The following FBLN5 variants were observed in gnomAD, a reference collection of about 807,000 sequenced individuals.
The protein encoded by FBLN5 is fibulin-5.
In FBLN5, 24 loss-of-function variants were observed where a neutral mutation model predicts 61.6. That is an observed-to-expected ratio of 0.39 (90% confidence interval 0.28 to 0.55). The LOEUF is 0.55. Among genes scored for constraint, FBLN5 ranks in the 20% least tolerant of loss-of-function variants. The pLI, the probability that FBLN5 is intolerant of heterozygous loss-of-function variation, is 0.65. For missense variants in FBLN5, 470 were observed against 594.1 expected, an observed-to-expected ratio of 0.79 and a Z score of 2.17; for synonymous variants, 213 against 219.8, an observed-to-expected ratio of 0.97 and a Z score of 0.27.
intron 4 of FBLN5, among the ~76,000 whole-genome samples, chr14:91,931,834 G>C (rs1388325148): frequency 6.6e-6 from 1 of 152,220 alleles, no homozygotes; most frequent in Non-Finnish European, 1.5e-5. Flanking sequence ...CTTAGAGGCA[G>C]CGTGCCATGA....
Position 91,932,087 on chromosome 14 carries a change from C to G in FBLN5, c.379+4860G>C, listed in dbSNP as rs117664667. ...AGCCCCTCCCTGCTTACCCGTTAAC[C>G]ATGTCTGTCTGGCTCTCCCTCCCCT... On this transcript the variant is annotated intron_variant, in intron 4 of 10. Coordinates refer to ENST00000342058, the MANE Select transcript of FBLN5 (RefSeq NM_006329.4). Among the ~76,000 whole-genome samples the G allele has an allele frequency of 8.7e-4, 132 of 152,290 alleles. No homozygotes were observed. The East Asian group carries it at 0.025, about 29-fold the overall frequency.
At chr14:91,926,416 A>C (rs1000438399) in intron 4 of FBLN5, among the ~76,000 whole-genome samples, 3 of 152,134 alleles carry the variant, frequency 2.0e-5, no homozygotes, top group African/African-American at 7.2e-5. Context: ...TGTGTGGTAC[A>C]TGTGTCCACA....
intron 4 of FBLN5, among the ~76,000 whole-genome samples, chr14:91,921,779 GGA>G (rs2055738918): frequency 6.6e-6 from 1 of 152,198 alleles, no homozygotes; most frequent in Non-Finnish European, 1.5e-5. Context: ...TGAAGAGCCA[GGA>G]GAGAGTTCCA....
chr14:91,937,186 C>T lies in FBLN5; in HGVS notation c.140G>A (p.Arg47Gln), dbSNP rs1453926493. 1.9e-6 allele frequency: 3 copies of T among 1,614,048 alleles called. No individual in the cohort carries two copies. The highest frequency in any genetic ancestry group is 1.7e-5 in the Admixed American group (1 of 60,006). ...TCCTCGGCAGGCCTCGGGGATGGTT[C>T]GGCATTCATCAATATCTGAAAGGCA... ...SGQCLDIDEC[R>Q]TIPEACRGDM... is the part of the protein sequence containing the mutation. The change falls in exon 4 of 11, where the codon CGA becomes CAA. Residue 47 changes from arginine (R) to glutamine (Q), a missense_variant. Coordinates refer to ENST00000342058, the MANE Select transcript of FBLN5 (RefSeq NM_006329.4).
chr14:91,910,809 GA>G (rs1242930635), intron 4 of FBLN5, among the ~76,000 whole-genome samples: 2 of 152,068 alleles, frequency 1.3e-5, no homozygotes, highest in Non-Finnish European at 2.9e-5. Flanking sequence ...GGAGAAAGAT[GA>G]AGGTAGAGAA....
chr14:91,932,159 A>C (rs1369395208), intron 4 of FBLN5, among the ~76,000 whole-genome samples: 1 of 152,182 alleles, frequency 6.6e-6, no homozygotes, highest in Non-Finnish European at 1.5e-5. Context: ...TCTGGGTGAC[A>C]CACTCTAATG....
chr14:91,897,623 G>T (rs183682282), intron 4 of FBLN5, among the ~76,000 whole-genome samples: 1 of 152,226 alleles, frequency 6.6e-6, no homozygotes, highest in Non-Finnish European at 1.5e-5. Flanking sequence ...CCAGACGCAT[G>T]CCAGCAGGCC....
intron 4 of FBLN5, among the ~76,000 whole-genome samples, chr14:91,908,905 C>A (rs972142186): frequency 3.4e-5 from 5 of 148,786 alleles, no homozygotes; most frequent in Admixed American, 6.7e-5. Flanking sequence ...GGAATCAGTA[C>A]TTTTTTTTTT....
intron 4 of FBLN5, among the ~76,000 whole-genome samples, chr14:91,933,895 A>G (rs2055968981): frequency 6.6e-6 from 1 of 152,162 alleles, no homozygotes; most frequent in African/African-American, 2.4e-5. Flanking sequence ...GGATTGCTTG[A>G]GCCCAGGAAT....
In FBLN5 at chr14:91,947,264, G is replaced by C; in HGVS notation, c.-35C>G. On this transcript the variant is annotated 5_prime_UTR_variant, in exon 1 of 11. Transcript: ENST00000342058. This position sits in a 1 kb window ranked among gnomAD's most constrained non-coding sequence, Gnocchi z 4.3. ...GCGCGAGGAGGAGATGCGAAGGCGA[G>C]AAGAAAGCTCGCGGGCGGGACCCCC... 1 of 1,614,100 alleles carries C rather than the reference G, an allele frequency of 6.2e-7. No individual in the cohort carries two copies. The highest frequency in any genetic ancestry group is 8.5e-7 in the Non-Finnish European group (1 of 1,179,996).
At chr14:91,940,718 G>C (rs535718078) in intron 2 of FBLN5, 102 bp from the exon 3 acceptor site, 146 of 963,570 alleles carry the variant, frequency 1.5e-4, no homozygotes, top group Non-Finnish European at 2.2e-4. Context: ...AAAAAGAAAG[G>C]CCTCCAAAAT....
intron 4 of FBLN5, among the ~76,000 whole-genome samples, chr14:91,912,311 A>T (rs1282650193): frequency 6.6e-6 from 1 of 152,200 alleles, no homozygotes; most frequent in Non-Finnish European, 1.5e-5. Flanking sequence ...AGCCTGAGCA[A>T]CATAGCGAGA....
intron 4 of FBLN5, among the ~76,000 whole-genome samples, chr14:91,936,083 G>GACAC (rs1205311099): frequency 6.6e-6 from 1 of 152,134 alleles, no homozygotes; most frequent in East Asian, 1.9e-4. Flanking sequence ...CTAATAGTGG[G>GACAC]TTACAGCTCA....
At chr14:91,879,209 G>A (rs1335573990) in intron 9 of FBLN5, among the ~76,000 whole-genome samples, 1 of 152,216 alleles carries the variant, frequency 6.6e-6, no homozygotes, top group East Asian at 1.9e-4. Context: ...ATGGCTCCCA[G>A]CTGAAGAGGA....
At chr14:91,925,243 G>A (rs1595338566) in intron 4 of FBLN5, among the ~76,000 whole-genome samples, 1 of 152,370 alleles carries the variant, frequency 6.6e-6, no homozygotes, top group South Asian at 2.1e-4. Flanking sequence ...CGGCCCCAGA[G>A]TCTGTGGATG....
chr14:91,933,341 C>T (rs533859902), intron 4 of FBLN5, among the ~76,000 whole-genome samples: 12 of 152,198 alleles, frequency 7.9e-5, no homozygotes, highest in African/African-American at 2.4e-4. Flanking sequence ...GTGGCACGAG[C>T]TCGGCTCACT....
chr14:91,912,154 A>T (rs970183446), intron 4 of FBLN5, among the ~76,000 whole-genome samples: 11 of 152,318 alleles, frequency 7.2e-5, no homozygotes, highest in African/African-American at 2.6e-4. Context: ...GGAAGTTCTA[A>T]CATTTCCCTT....
At chr14:91,870,484 C>T in intron 10 of FBLN5, 99 bp from the exon 11 acceptor site, 1 of 1,185,850 alleles carries the variant, frequency 8.4e-7, no homozygotes, top group Non-Finnish European at 1.3e-6. Context: ...CAAACTGGCA[C>T]CCCCTCGGTG....
At chr14:91,898,640 C>T (rs1216327605) in intron 4 of FBLN5, among the ~76,000 whole-genome samples, 1 of 152,112 alleles carries the variant, frequency 6.6e-6, no homozygotes, top group Non-Finnish European at 1.5e-5. Flanking sequence ...AAAGTACAAG[C>T]TATGACAACC....
Sources: gnomAD v4.1 joint callset for allele counts (sites outside exome capture counted in the v4.1 genomes callset) on GRCh38, gnomAD v4.1.1 for gene constraint, Gnocchi (gnomAD v3.1) non-coding constraint, MANE v1.5 for transcripts, NCBI Gene and HGNC (gene_info 2026-07-23, HGNC 2026-07-21) for gene names.